The following ZNF704 variants were observed in gnomAD, a reference collection of about 807,000 sequenced individuals.
ZNF704 encodes glucocorticoid induced gene 1.
Under a neutral mutation model 44.7 loss-of-function variants are expected in ZNF704, and 10 were observed. The ratio of observed to expected loss-of-function variants is 0.22; its 90% CI spans 0.14 to 0.38. ZNF704 has a LOEUF of 0.38. Ranked by LOEUF, ZNF704 falls within the 10% of genes least tolerant of loss-of-function variation. The pLI, the probability that ZNF704 is intolerant of heterozygous loss-of-function variation, is 1.00. For synonymous variants in ZNF704, 211 were observed against 207.6 expected, an observed-to-expected ratio of 1.02 and a Z score of -0.14; for missense variants, 390 against 545.5, an observed-to-expected ratio of 0.71 and a Z score of 2.84.
rs1250411803 is a variant in ZNF704, at chr8:80,634,908, G to GA, written c.*6457dup. The GA allele has an allele frequency of 3.9e-5, 6 of 152,208 alleles. No individual in the cohort carries two copies. The highest frequency in any genetic ancestry group is 1.3e-4 in the Admixed American group (2 of 15,282). 9.4% of individuals were successfully genotyped at this position (152,208 alleles called of 1,614,324 possible). A position where few individuals can be genotyped will look rare whatever the true frequency, so the allele number is the denominator to read the frequency against. ...TAACAATGGAGACATTCCAAGGAGTGAAAACAGAGATTTGCAAGACGCCTC... is the reference window on the plus strand; with the variant it reads ...TAACAATGGAGACATTCCAAGGAGTGAAAAACAGAGATTTGCAAGACGCCTC... On this transcript the variant is annotated 3_prime_UTR_variant, in exon 9 of 9. Transcript: ENST00000327835.
rs1395631996 is a variant in ZNF704 at position 80,651,072 on chromosome 8, C to T, written c.1033-7943G>A. Among the ~76,000 whole-genome samples the T allele has an allele frequency of 1.3e-5, 2 of 152,148 alleles. 1 individual carries two copies. The highest frequency in any genetic ancestry group is 2.9e-5 in the Non-Finnish European group (2 of 68,018). On this transcript the variant is annotated intron_variant, in intron 7 of 8. Transcript: ENST00000327835. ...GTTCATATTCAGCCAAACTAAGCTT[C>T]ATAAGTGAAGGAGAAATAAAATACT...
chr8:80,815,867 A>C (rs6985971), intron 2 of ZNF704, among the ~76,000 whole-genome samples: 2 of 152,216 alleles, frequency 1.3e-5, no homozygotes, highest in East Asian at 3.8e-4. Flanking sequence ...CTCTCACTTT[A>C]GAAGCCAAAA....
At chr8:80,682,669 C>T (rs767463606) in intron 4 of ZNF704, among the ~76,000 whole-genome samples, 4 of 152,320 alleles carry the variant, frequency 2.6e-5, no homozygotes, top group Middle Eastern at 3.4e-3. Flanking sequence ...GCAAGCACCC[C>T]CTTCTCTCCA....
intron 3 of ZNF704, among the ~76,000 whole-genome samples, chr8:80,689,595 G>T (rs1416583896): frequency 1.3e-5 from 2 of 152,154 alleles, no homozygotes; most frequent in Non-Finnish European, 2.9e-5. Flanking sequence ...TGGCAGGCCC[G>T]GGTGGCTTAC....
Position 80,754,133 on chromosome 8 carries a change from G to GT in ZNF704, c.222-61027dup, listed in dbSNP as rs377254415. On this transcript the variant is annotated intron_variant, in intron 2 of 8. Coordinates refer to ENST00000327835, the MANE Select transcript of ZNF704 (RefSeq NM_001033723.3). Reference sequence around the variant, plus strand: ...AAAGGGCCTTTCCTGACTTTCTTCTGTTTTTTTTTCCTTACAATTGTATTT... The same window carrying GT: ...AAAGGGCCTTTCCTGACTTTCTTCTGTTTTTTTTTTCCTTACAATTGTATTT... 3.4e-4 allele frequency among the ~76,000 whole-genome samples: 51 copies of GT among 150,968 alleles called. 1 individual carries two copies. In the East Asian group the frequency reaches 4.8e-3, roughly 14 times the overall value.
intron 2 of ZNF704, among the ~76,000 whole-genome samples, chr8:80,811,744 A>T (rs1304203428): frequency 6.6e-6 from 1 of 152,242 alleles, no homozygotes; most frequent in Non-Finnish European, 1.5e-5. Context: ...TGAATTGTGT[A>T]CAAGGGGCTT....
chr8:80,825,849 G>A (rs1379205447), intron 1 of ZNF704, among the ~76,000 whole-genome samples: 4 of 152,108 alleles, frequency 2.6e-5, no homozygotes, highest in African/African-American at 9.7e-5. Context: ...CGAAATGAAG[G>A]GAGAAATAAA....
intron 1 of ZNF704, among the ~76,000 whole-genome samples, chr8:80,824,219 A>C (rs1586054513): frequency 6.6e-6 from 1 of 152,142 alleles, no homozygotes; most frequent in East Asian, 1.9e-4. Flanking sequence ...AAACAGTGTA[A>C]AGAAGACCTT....
chr8:80,687,897 C>CA (rs1818566659), intron 3 of ZNF704, among the ~76,000 whole-genome samples: 1 of 152,128 alleles, frequency 6.6e-6, no homozygotes, highest in Non-Finnish European at 1.5e-5. Context: ...CCTCCGATTT[C>CA]AACATTTTTT....
chr8:80,856,599 C>T lies in ZNF704; in HGVS notation c.-22+17972G>A, dbSNP rs1808965965. On this transcript the variant is annotated intron_variant, in intron 1 of 8. Transcript: ENST00000327835. ...GTTTGTTTTTTGTTTTTCTTCCTTC[C>T]AGATGAATAGTCTTTCCAGGACTGT... 3.3e-5 allele frequency among the ~76,000 whole-genome samples: 5 copies of T among 151,932 alleles called. No individual in the cohort carries two copies. The South Asian group carries it at 1.0e-3, about 32-fold the overall frequency.
chr8:80,824,991 C>T (rs574479796), intron 1 of ZNF704, among the ~76,000 whole-genome samples: 5 of 152,138 alleles, frequency 3.3e-5, no homozygotes, highest in Admixed American at 1.3e-4. Flanking sequence ...TAAAGACCAT[C>T]GAGGCTAGGA....
chr8:80,709,564 G>A (rs536572935), intron 2 of ZNF704, among the ~76,000 whole-genome samples: 12 of 151,054 alleles, frequency 7.9e-5, no homozygotes, highest in Admixed American at 5.3e-4. Context: ...AGGTGCCTAT[G>A]AAGGATGGTG....
chr8:80,731,586 C>T (rs1307631761), intron 2 of ZNF704, among the ~76,000 whole-genome samples: 2 of 152,106 alleles, frequency 1.3e-5, no homozygotes, highest in Non-Finnish European at 2.9e-5. Context: ...TTAGTAATAG[C>T]TGAATGTTTT....
intron 3 of ZNF704, 138 bp from the exon 4 acceptor site, chr8:80,687,596 G>A: frequency 1.6e-6 from 1 of 622,428 alleles, no homozygotes; most frequent in Non-Finnish European, 2.7e-6. Flanking sequence ...GGGTATGTAA[G>A]TTTTTGTTCT....
chr8:80,852,928 G>C (rs1050284389), intron 1 of ZNF704, among the ~76,000 whole-genome samples: 5 of 152,138 alleles, frequency 3.3e-5, no homozygotes, highest in Non-Finnish European at 5.9e-5. Flanking sequence ...GCAAGTATAT[G>C]AGCTGTATTT....
intron 2 of ZNF704, among the ~76,000 whole-genome samples, chr8:80,703,209 C>T (rs1411677787): frequency 1.3e-5 from 2 of 152,036 alleles, no homozygotes; most frequent in Non-Finnish European, 2.9e-5. Context: ...GACTCACTTT[C>T]TCCTCTCCAT....
At position 80,629,829 on chromosome 8, in the gene ZNF704, C is replaced by T. The variant is rs1481515370; in HGVS notation, c.*11537G>A. ...TGCTAACTTTATCCAATGAAATATT[C>T]GTTCACTTCATGCAGTTTTGTTTGC... On this transcript the variant is annotated 3_prime_UTR_variant, in exon 9 of 9. Coordinates refer to ENST00000327835, the MANE Select transcript of ZNF704 (RefSeq NM_001033723.3). The T allele has an allele frequency of 1.3e-5, 2 of 152,144 alleles. No homozygotes were observed. The highest frequency in any genetic ancestry group is 2.4e-5 in the African/African-American group (1 of 41,420). 9.4% of individuals were successfully genotyped at this position (152,144 alleles called of 1,614,324 possible).
rs752468208 is a variant in ZNF704 at position 80,687,410 on chromosome 8, G to A, written c.374C>T (p.Thr125Ile). The A allele has an allele frequency of 6.2e-7, 1 of 1,600,164 alleles. No homozygotes were observed. The highest frequency in any genetic ancestry group is 1.3e-5 in the African/African-American group (1 of 74,770). The change falls in exon 4 of 9, where the codon ACC becomes ATC. Residue 125 changes from threonine to isoleucine, a missense_variant. By Grantham distance (89) the Thr-to-Ile change is moderately conservative (BLOSUM62 -1). This residue lies in a region of ZNF704 where 305 missense variants were observed against 435.7 expected (regional missense o/e 0.70). Transcript: ENST00000327835. ...CCAGCTCCAGTAGCCGCTGCTGCTG[G>A]TGCTGGAAGGCACGCAGCCGCCCTC... is the stretch of plus-strand genomic sequence containing the variant. ...WKEGGCVPSS[T>I]SSSGYWSWSA... is the part of the protein sequence containing the mutation.
chr8:80,832,623 A>T (rs946505725), intron 1 of ZNF704, among the ~76,000 whole-genome samples: 3 of 152,190 alleles, frequency 2.0e-5, no homozygotes, highest in Non-Finnish European at 4.4e-5. Flanking sequence ...ATAATCTGAA[A>T]ACAACCCATT....
Sources: allele counts gnomAD v4.1 joint callset (sites outside exome capture counted in the v4.1 genomes callset), GRCh38; gene constraint gnomAD v4.1.1; regional missense constraint gnomAD v4.1.1; transcripts MANE v1.5; gene names NCBI Gene and HGNC (gene_info 2026-07-23, HGNC 2026-07-21).